PRIM2: variants seen among roughly 807,000 people sequenced by gnomAD.
The protein encoded by PRIM2 is DNA primase subunit 2, also known as DNA primase large subunit.
Under a neutral mutation model 67.3 loss-of-function variants are expected in PRIM2, and 39 were observed. The ratio of observed to expected loss-of-function variants is 0.58; its 90% CI spans 0.45 to 0.76. PRIM2 has a LOEUF of 0.76. Ranked by LOEUF, PRIM2 falls within the 30% of genes least tolerant of loss-of-function variation. PRIM2 has a pLI of 0.00. For missense variants in PRIM2, 398 were observed against 598.7 expected, an observed-to-expected ratio of 0.66 and a Z score of 3.50; for synonymous variants, 143 against 198.7, an observed-to-expected ratio of 0.72 and a Z score of 2.36.
At chr6:57,428,516 G>T (rs1335845411) in intron 7 of PRIM2, among the ~76,000 whole-genome samples, 5 of 152,066 alleles carry the variant, frequency 3.3e-5, no homozygotes, top group Admixed American at 2.0e-4. Flanking sequence ...TTTTTCAGTA[G>T]GGCTCCCTAT....
chr6:57,336,891 T>C (rs1196132487), intron 5 of PRIM2, among the ~76,000 whole-genome samples: 1 of 151,978 alleles, frequency 6.6e-6, no homozygotes, highest in Non-Finnish European at 1.5e-5. Context: ...GACTAAATGC[T>C]CCAATTAAAA....
chr6:57,429,738 G>A (rs1452370789), intron 7 of PRIM2, among the ~76,000 whole-genome samples: 1 of 152,142 alleles, frequency 6.6e-6, no homozygotes, highest in Admixed American at 6.5e-5. Context: ...AGAGACAGGA[G>A]GGCTGTGAGA....
chr6:57,485,224 G>T (rs1773727201), intron 7 of PRIM2, among the ~76,000 whole-genome samples: 1 of 151,694 alleles, frequency 6.6e-6, no homozygotes, highest in African/African-American at 2.4e-5. Flanking sequence ...GTTAGTCTAG[G>T]GCAGCTTGAC....
At chr6:57,562,051 C>A (rs1775642846) in intron 10 of PRIM2, among the ~76,000 whole-genome samples, 1 of 152,066 alleles carries the variant, frequency 6.6e-6, no homozygotes, top group African/African-American at 2.4e-5. Flanking sequence ...GTTGGTGGAG[C>A]AGTCAGAAGA....
rs1212467310 is a variant in PRIM2, at chr6:57,318,618, A to C, written c.154+19A>C. On this transcript the variant is annotated intron_variant, in intron 2 of 13. Transcript: ENST00000615550. Reference sequence around the variant, plus strand: ...GTTAAATGTAAGTACTATTTAAATTAGAATGTATATATTCTTGAGAAGCTC... The same window carrying C: ...GTTAAATGTAAGTACTATTTAAATTCGAATGTATATATTCTTGAGAAGCTC... The C allele has an allele frequency of 6.6e-7, 1 of 1,520,548 alleles. No homozygotes were observed. Among genetic ancestry groups the C allele is most frequent in the East Asian group, 2.5e-5 (1 of 40,814 alleles). 94.2% of individuals were successfully genotyped at this position (1,520,548 alleles called of 1,614,324 possible).
chr6:57,618,595 G>A (rs1776795513), intron 12 of PRIM2, among the ~76,000 whole-genome samples: 1 of 152,282 alleles, frequency 6.6e-6, no homozygotes, highest in African/African-American at 2.4e-5. Context: ...GGGGCATGGT[G>A]GGAGTGAGAC....
chr6:57,551,946 G>C (rs1368224445), intron 10 of PRIM2, among the ~76,000 whole-genome samples: 1 of 152,204 alleles, frequency 6.6e-6, no homozygotes, highest in Admixed American at 6.5e-5. Flanking sequence ...GATATGAATA[G>C]CAGGTCTGAG....
At chr6:57,250,764 T>C in the PRIM2 span, among the ~76,000 whole-genome samples, 3 of 152,190 alleles carry the variant, frequency 2.0e-5, no homozygotes, top group Non-Finnish European at 4.4e-5. Context: ...AAAGATGAAG[T>C]AGTATTTGAC....
the PRIM2 span, among the ~76,000 whole-genome samples, chr6:57,247,120 C>G: frequency 6.6e-6 from 1 of 152,178 alleles, no homozygotes; most frequent in Non-Finnish European, 1.5e-5. Context: ...TTCCAAAGTG[C>G]TAGGATTACA....
chr6:57,570,136 A>G (rs1206891881), intron 10 of PRIM2, among the ~76,000 whole-genome samples: 3 of 152,200 alleles, frequency 2.0e-5, no homozygotes, highest in Non-Finnish European at 2.9e-5. Context: ...TTAGTTTGTT[A>G]ACTCATGGCA....
chr6:57,410,362 G>T (rs1185738382), intron 7 of PRIM2, among the ~76,000 whole-genome samples: 2 of 146,520 alleles, frequency 1.4e-5, no homozygotes, highest in Admixed American at 6.8e-5. Context: ...AAGAAAGAAA[G>T]AAAAGAAAAG....
the PRIM2 span, among the ~76,000 whole-genome samples, chr6:57,292,998 T>A: frequency 2.6e-5 from 4 of 152,250 alleles, no homozygotes; most frequent in Non-Finnish European, 4.4e-5. Context: ...TGGGATCTAA[T>A]TAAACTAAAG....
chr6:57,611,732 T>C (rs1776670556), intron 12 of PRIM2, among the ~76,000 whole-genome samples: 2 of 152,270 alleles, frequency 1.3e-5, no homozygotes, highest in Middle Eastern at 3.4e-3. Context: ...GTGTGTTCCC[T>C]GAAAGAAAAT....
intron 3 of PRIM2, among the ~76,000 whole-genome samples, chr6:57,323,796 A>AG (rs879449332): frequency 1.3e-4 from 20 of 152,090 alleles, no homozygotes; most frequent in Non-Finnish European, 2.1e-4. Context: ...AAAAAAAAAA[A>AG]GAAATGTTTT....
intron 10 of PRIM2, among the ~76,000 whole-genome samples, chr6:57,565,040 T>G (rs1258393451): frequency 3.3e-5 from 5 of 152,168 alleles, no homozygotes; most frequent in African/African-American, 1.2e-4. Context: ...ATTTTTTTCT[T>G]TATTCCTTTT....
chr6:57,623,499 C>G (rs1776894477), intron 12 of PRIM2, among the ~76,000 whole-genome samples: 1 of 152,104 alleles, frequency 6.6e-6, no homozygotes, highest in South Asian at 2.1e-4. Context: ...ACACATCTTT[C>G]TATATTTATT....
the PRIM2 span, among the ~76,000 whole-genome samples, chr6:57,247,030 A>ATT: frequency 6.6e-6 from 1 of 151,860 alleles, no homozygotes; most frequent in Admixed American, 6.6e-5. Flanking sequence ...AATTTTTTGT[A>ATT]TTTTTAGTAG....
chr6:57,325,501 C>T (rs1767819530), intron 4 of PRIM2, among the ~76,000 whole-genome samples: 1 of 151,996 alleles, frequency 6.6e-6, no homozygotes, highest in South Asian at 2.1e-4. Flanking sequence ...ACCAACTTGC[C>T]CAGGCTGGTC....
chr6:57,471,257 T>C (rs1773330935), intron 7 of PRIM2, among the ~76,000 whole-genome samples: 1 of 151,906 alleles, frequency 6.6e-6, no homozygotes, highest in South Asian at 2.1e-4. Context: ...AGGAGAGAGA[T>C]GGCTAAGGCA....
Sources: allele counts gnomAD v4.1 joint callset (sites outside exome capture counted in the v4.1 genomes callset), GRCh38; gene constraint gnomAD v4.1.1; transcripts MANE v1.5; gene names NCBI Gene and HGNC (gene_info 2026-07-23, HGNC 2026-07-21).